KDM5B: variants seen among roughly 807,000 people sequenced by gnomAD.
The protein encoded by KDM5B is lysine demethylase 5B, also known as lysine-specific demethylase 5B.
Under a neutral mutation model 193.4 loss-of-function variants are expected in KDM5B, and 144 were observed. That is an observed-to-expected ratio of 0.74 (90% confidence interval 0.65 to 0.86). The LOEUF (loss-of-function observed/expected upper bound fraction) is 0.86. Among genes scored for constraint, KDM5B ranks in the 40% least tolerant of loss-of-function variants. The pLI is 0.00. For synonymous variants in KDM5B, 668 were observed against 682.6 expected, an observed-to-expected ratio of 0.98 and a Z score of 0.33; for missense variants, 1,833 against 1,886.9, an observed-to-expected ratio of 0.97 and a Z score of 0.53.
At chr1:202,781,316 A>T (rs1657188899) in intron 1 of KDM5B, among the ~76,000 whole-genome samples, 1 of 152,218 alleles carries the variant, frequency 6.6e-6, no homozygotes, top group Non-Finnish European at 1.5e-5. Flanking sequence ...AAATACATAA[A>T]TGAAATTTTG....
chr1:202,762,262 C>T (rs1656281392), intron 7 of KDM5B, among the ~76,000 whole-genome samples: 1 of 152,068 alleles, frequency 6.6e-6, no homozygotes, highest in Non-Finnish European at 1.5e-5. Flanking sequence ...CTTCCTTCTT[C>T]CTTTCTCTTT....
At chr1:202,803,635 C>A (rs1294779726) in intron 1 of KDM5B, among the ~76,000 whole-genome samples, 3 of 152,040 alleles carry the variant, frequency 2.0e-5, no homozygotes, top group African/African-American at 7.3e-5. Flanking sequence ...ACCAGCCTAA[C>A]CAACATGGTG....
intron 1 of KDM5B, among the ~76,000 whole-genome samples, chr1:202,788,048 A>G (rs1348521231): frequency 6.6e-6 from 1 of 152,228 alleles, no homozygotes; most frequent in African/African-American, 2.4e-5. Flanking sequence ...AACGCCCTGC[A>G]GAACACCCCA....
chr1:202,789,093 T>G (rs1657530206), intron 1 of KDM5B, among the ~76,000 whole-genome samples: 1 of 152,006 alleles, frequency 6.6e-6, no homozygotes, highest in South Asian at 2.1e-4. Context: ...CGCCTGGAGA[T>G]TCAACATCAG....
chr1:202,739,509 G>T (rs1655222118), intron 20 of KDM5B, among the ~76,000 whole-genome samples: 1 of 150,464 alleles, frequency 6.6e-6, no homozygotes, highest in South Asian at 2.1e-4. Context: ...TCATTCTTGG[G>T]TGTTTCTCGC....
chr1:202,795,454 C>T (rs1437390697), intron 1 of KDM5B, among the ~76,000 whole-genome samples: 2 of 152,088 alleles, frequency 1.3e-5, no homozygotes, highest in Non-Finnish European at 1.5e-5. Context: ...GAGTTTGAGA[C>T]CAGCCTGGCT....
chr1:202,732,360 T>C (rs917214474), intron 23 of KDM5B, among the ~76,000 whole-genome samples: 1 of 152,216 alleles, frequency 6.6e-6, no homozygotes, highest in Admixed American at 6.5e-5. Context: ...CTATCTTCCT[T>C]AGTGTTTTAT....
chr1:202,732,019 A>T, intron 23 of KDM5B, 80 bp from the exon 24 acceptor site: 5 of 748,466 alleles, frequency 6.7e-6, no homozygotes, highest in African/African-American at 1.9e-5. Context: ...AGTAGCTTGC[A>T]TTACCCAGGC....
intron 4 of KDM5B, among the ~76,000 whole-genome samples, chr1:202,770,535 G>T (rs1656670152): frequency 6.6e-6 from 1 of 152,098 alleles, no homozygotes; most frequent in African/African-American, 2.4e-5. Flanking sequence ...ATTCATCATA[G>T]TATTATAATA....
chr1:202,745,109 T>TCCA (rs1328870394), intron 16 of KDM5B, among the ~76,000 whole-genome samples: 3 of 152,080 alleles, frequency 2.0e-5, no homozygotes, highest in Non-Finnish European at 4.4e-5. Flanking sequence ...TGAAAACACA[T>TCCA]GGATGCATAC....
chr1:202,771,875 C>A (rs748768434), intron 4 of KDM5B, among the ~76,000 whole-genome samples: 1 of 152,130 alleles, frequency 6.6e-6, no homozygotes, highest in Non-Finnish European at 1.5e-5. Context: ...CCATCGCGCC[C>A]GGCTCACATT....
chr1:202,782,889 T>C (rs1487524878), intron 1 of KDM5B, among the ~76,000 whole-genome samples: 1 of 152,136 alleles, frequency 6.6e-6, no homozygotes, highest in Admixed American at 6.6e-5. Flanking sequence ...GTAAGCCAGG[T>C]GTAGTGGGGT....
rs1456372740 is a variant in KDM5B at position 202,756,313 on chromosome 1, G to C, written c.1356+45C>G. On this transcript the variant is annotated intron_variant, in intron 10 of 26. Coordinates refer to ENST00000367265, the MANE Select transcript of KDM5B (RefSeq NM_006618.5). The stretch of plus-strand genomic sequence containing the variant: ...TAAGTTACTTCAAGCCAACCAAACA[G>C]AATTTCAATAAATACCTCAATTTCC... 10 of 1,498,540 alleles carry C rather than the reference G, an allele frequency of 6.7e-6. No individual in the cohort carries two copies. In the Admixed American group the frequency reaches 2.2e-4, roughly 32 times the overall value. The allele number at this position is 1,498,540 out of a possible 1,614,324, so 92.8% of individuals were successfully genotyped here. A position where few individuals can be genotyped will look rare whatever the true frequency, so the allele number is the denominator to read the frequency against.
At chr1:202,743,810 AC>A (rs1413924160) in intron 16 of KDM5B, among the ~76,000 whole-genome samples, 2 of 152,220 alleles carry the variant, frequency 1.3e-5, no homozygotes, top group African/African-American at 4.8e-5. Context: ...TTAAAACTGG[AC>A]CCCTTCCTTA....
rs1657469590 is a variant in KDM5B at position 202,787,716 on chromosome 1, CTACTT to C, written c.205-10627_205-10623del. Among the ~76,000 whole-genome samples the C allele has an allele frequency of 2.0e-5, 3 of 151,090 alleles. No individual in the cohort carries two copies. In the South Asian group the frequency reaches 6.3e-4, roughly 32 times the overall value. Reference sequence around the variant, plus strand: ...TGGCCAACGTAGTGAAACCCTGTCTCTACTTTAAAAAAAAAAAATACAAAAAATTA... The same window carrying C: ...TGGCCAACGTAGTGAAACCCTGTCTCTAAAAAAAAAAAATACAAAAAATTA... On this transcript the variant is annotated intron_variant, in intron 1 of 26. Transcript: ENST00000367265.
intron 1 of KDM5B, among the ~76,000 whole-genome samples, chr1:202,792,470 C>T (rs893771699): frequency 2.0e-5 from 3 of 152,264 alleles, no homozygotes; most frequent in East Asian, 1.9e-4. Flanking sequence ...GTCCTAAATA[C>T]TCTTCCAATG....
chr1:202,808,176 C>A lies in KDM5B; in HGVS notation c.130G>T (p.Asp44Tyr). 1.2e-6 allele frequency: 2 copies of A among 1,613,206 alleles called. No individual in the cohort carries two copies. Among genetic ancestry groups the A allele is most frequent in the Non-Finnish European group, 1.7e-6 (2 of 1,179,586 alleles). ...ATCTTGTGGATGAAAGCGAAGGGGT[C>A]CGCGAACTCTTCCCAGCTGGGTTCG... ...VFEPSWEEFA[D>Y]PFAFIHKIRP... Residue 44 changes from aspartate (D) to tyrosine (Y), a missense_variant, in exon 1 of 27, where the codon GAC becomes TAC. Physicochemically the swap from Asp to Tyr is radical, Grantham distance 160. Coordinates refer to ENST00000367265, the MANE Select transcript of KDM5B (RefSeq NM_006618.5).
rs1319374200 is a variant in KDM5B, at chr1:202,758,446, G to T, written c.1142C>A (p.Thr381Asn). 6.2e-7 allele frequency: 1 copy of T among 1,613,128 alleles called. No homozygotes were observed. Among genetic ancestry groups the T allele is most frequent in the African/African-American group, 1.3e-5 (1 of 75,014 alleles). The change falls in exon 9 of 27, where the codon ACT becomes AAT. Residue 381 changes from threonine to asparagine, a missense_variant. Thr to Asn is a moderately conservative substitution (Grantham distance 65). Coordinates refer to ENST00000367265, the MANE Select transcript of KDM5B (RefSeq NM_006618.5). Reference sequence around the variant, plus strand: ...GAACGCATCTGCCATTTCCCCAAAAGTACGGAGGGTATAGTCCCTGGCTGC... The same window carrying T: ...GAACGCATCTGCCATTTCCCCAAAATTACGGAGGGTATAGTCCCTGGCTGC... ...EQAARDYTLR[T>N]FGEMADAFKS...
At position 202,745,966 on chromosome 1, in the gene KDM5B, C is replaced by A. The variant is rs772351655; in HGVS notation, c.2215G>T (p.Asp739Tyr). The A allele has an allele frequency of 6.2e-7, 1 of 1,613,972 alleles. No individual in the cohort carries two copies. Among genetic ancestry groups the A allele is most frequent in the South Asian group, 1.1e-5 (1 of 91,072 alleles). The change falls in exon 16 of 27, where the codon GAT becomes TAT. Residue 739 changes from aspartate (D) to tyrosine (Y), a missense_variant. By Grantham distance (160) the Asp-to-Tyr change is radical (BLOSUM62 -3). Around this residue, in one of 3 missense-constraint regions of KDM5B, gnomAD observed 1,379 missense variants for 1,349.6 expected, o/e 1.02. Transcript: ENST00000367265. ...KYKLRYRYTLDDLYPMMNALK... is the reference protein window; with the variant it reads ...KYKLRYRYTLYDLYPMMNALK... ...GCATTCATCATAGGGTAGAGATCAT[C>A]CAGCGTGTACCTATACCTGGAAATA...
Sources: allele counts gnomAD v4.1 joint callset (sites outside exome capture counted in the v4.1 genomes callset), GRCh38; gene constraint gnomAD v4.1.1; regional missense constraint gnomAD v4.1.1; transcripts MANE v1.5; gene names NCBI Gene and HGNC (gene_info 2026-07-23, HGNC 2026-07-21).